Variants in CCDC85A observed in about 807,000 individuals in gnomAD.
The protein encoded by CCDC85A is coiled-coil domain containing 85A, also known as coiled-coil domain-containing protein 85A.
A neutral mutation model predicts 50.2 loss-of-function variants in CCDC85A; 38 were observed. The observed-to-expected ratio is 0.76, with a 90% CI of 0.58 to 0.99. The LOEUF (loss-of-function observed/expected upper bound fraction) is 0.99. CCDC85A is among the 50% of genes least tolerant of loss of function. The probability of loss-of-function intolerance (pLI) is 0.00; values close to 1 mark genes in which losing one functional copy is unlikely to be tolerated. For missense variants in CCDC85A, 820 were observed against 742.0 expected (o/e 1.11, Z -1.22); for synonymous variants, 366 against 301.4 (o/e 1.21, Z -2.22).
At chr2:56,205,785 T>C (rs1454979959) in intron 2 of CCDC85A, among the ~76,000 whole-genome samples, 2 of 152,176 alleles carry the variant, frequency 1.3e-5, no homozygotes, top group South Asian at 4.1e-4. Context: ...GGGTACAGCA[T>C]GGTAGTAGGT....
intron 3 of CCDC85A, among the ~76,000 whole-genome samples, chr2:56,358,417 C>T (rs1054428917): frequency 1.3e-5 from 2 of 152,028 alleles, no homozygotes; most frequent in Non-Finnish European, 2.9e-5. Flanking sequence ...TTACTGCTTC[C>T]GTTTAAGCAC....
intron 3 of CCDC85A, among the ~76,000 whole-genome samples, chr2:56,370,061 C>G (rs1484980878): frequency 6.6e-6 from 1 of 151,970 alleles, no homozygotes; most frequent in Non-Finnish European, 1.5e-5. Context: ...TTTTCACAAA[C>G]TTGGAATTTT....
chr2:56,300,193 G>GA (rs75360770), intron 2 of CCDC85A, among the ~76,000 whole-genome samples: 19,908 of 152,130 alleles, frequency 0.13, 1,456 homozygotes, highest in East Asian at 0.32. Flanking sequence ...GTAAGATAGG[G>GA]ACACAGCCCT....
chr2:56,361,561 T>C (rs1411814602), intron 3 of CCDC85A, among the ~76,000 whole-genome samples: 1 of 152,088 alleles, frequency 6.6e-6, no homozygotes, highest in Admixed American at 6.5e-5. Flanking sequence ...TACGATAATA[T>C]TTAGAAAAGA....
chr2:56,377,851 G>T (rs1221221239), intron 5 of CCDC85A, among the ~76,000 whole-genome samples: 3 of 150,082 alleles, frequency 2.0e-5, no homozygotes, highest in Non-Finnish European at 2.9e-5. Flanking sequence ...TCGTGCCATT[G>T]CACTCCAGCC....
At position 56,311,719 on chromosome 2, in the gene CCDC85A, C is replaced by T. The variant is rs146582513; in HGVS notation, c.1241-31160C>T. 8.5e-4 allele frequency among the ~76,000 whole-genome samples: 130 copies of T among 152,212 alleles called. 2 individuals are homozygous for T. The East Asian group carries it at 0.024, about 29-fold the overall frequency. ...AGTTTAATTTATCTTTATAATAATT[C>T]TCCCAAATGTAGCAATATAATTTCC... On this transcript the variant is annotated intron_variant, in intron 2 of 5. Transcript: ENST00000407595.
chr2:56,355,309 G>A (rs1263802163), intron 3 of CCDC85A, among the ~76,000 whole-genome samples: 3 of 152,160 alleles, frequency 2.0e-5, no homozygotes, highest in Non-Finnish European at 4.4e-5. Flanking sequence ...AAATGGAGGT[G>A]GGAAGGAATA....
At chr2:56,304,158 T>A (rs1267003215) in intron 2 of CCDC85A, among the ~76,000 whole-genome samples, 3 of 152,210 alleles carry the variant, frequency 2.0e-5, no homozygotes, top group Admixed American at 2.0e-4. Context: ...ATATGGCATG[T>A]TAACTAAAAT....
chr2:56,345,207 T>G (rs906444118), intron 3 of CCDC85A, among the ~76,000 whole-genome samples: 4 of 152,182 alleles, frequency 2.6e-5, no homozygotes, highest in Non-Finnish European at 5.9e-5. Context: ...GTTTCATTTT[T>G]TTCTCTCTAA....
intron 2 of CCDC85A, among the ~76,000 whole-genome samples, chr2:56,232,027 C>T (rs1573065567): frequency 6.6e-6 from 1 of 152,070 alleles, no homozygotes; most frequent in South Asian, 2.1e-4. Flanking sequence ...CTCTGCTTGA[C>T]TTCTCAATGT....
chr2:56,367,573 G>T (rs1675860386), intron 3 of CCDC85A, among the ~76,000 whole-genome samples: 1 of 152,114 alleles, frequency 6.6e-6, no homozygotes, highest in Non-Finnish European at 1.5e-5. Flanking sequence ...GGTCTGTCCA[G>T]TGCATTTTAA....
intron 2 of CCDC85A, among the ~76,000 whole-genome samples, chr2:56,307,385 AG>A (rs965889820): frequency 9.2e-5 from 14 of 152,154 alleles, no homozygotes; most frequent in African/African-American, 3.4e-4. Context: ...CGTTGTAATC[AG>A]GCTCCTTGCA....
chr2:56,222,841 T>C (rs1668384795), intron 2 of CCDC85A, among the ~76,000 whole-genome samples: 1 of 150,902 alleles, frequency 6.6e-6, no homozygotes. Context: ...ATTCCAAAGA[T>C]GCTATCTCTA....
At chr2:56,362,588 G>A (rs940434908) in intron 3 of CCDC85A, among the ~76,000 whole-genome samples, 16 of 151,512 alleles carry the variant, frequency 1.1e-4, no homozygotes, top group African/African-American at 3.9e-4. Flanking sequence ...GACCCAATTA[G>A]CTTTTTTTTT....
intron 5 of CCDC85A, chr2:56,379,699 T>A (rs891548450): frequency 3.3e-6 from 2 of 610,192 alleles, no homozygotes; most frequent in African/African-American, 4.0e-5. Flanking sequence ...TTATCATAAC[T>A]AACAAGCTTT....
intron 2 of CCDC85A, among the ~76,000 whole-genome samples, chr2:56,201,089 C>T (rs1676723379): frequency 2.3e-5 from 3 of 131,058 alleles, no homozygotes; most frequent in Admixed American, 1.5e-4. Flanking sequence ...CACACACACA[C>T]ACACACACAC....
At chr2:56,306,663 C>A (rs1380729901) in intron 2 of CCDC85A, among the ~76,000 whole-genome samples, 2 of 152,092 alleles carry the variant, frequency 1.3e-5, no homozygotes, top group Non-Finnish European at 2.9e-5. Flanking sequence ...CAATTAACGA[C>A]CCATACTATT....
intron 3 of CCDC85A, among the ~76,000 whole-genome samples, chr2:56,345,364 G>T (rs573648822): frequency 6.6e-6 from 1 of 152,252 alleles, no homozygotes; most frequent in South Asian, 2.1e-4. Flanking sequence ...TTACAAATGG[G>T]AAAACAATGT....
At chr2:56,318,540 C>A (rs1051557627) in intron 2 of CCDC85A, among the ~76,000 whole-genome samples, 5 of 151,850 alleles carry the variant, frequency 3.3e-5, no homozygotes, top group Non-Finnish European at 7.4e-5. Flanking sequence ...CTATTATTAC[C>A]TGTTTATTTA....
Sources: gnomAD v4.1 joint callset for allele counts (sites outside exome capture counted in the v4.1 genomes callset) on GRCh38, gnomAD v4.1.1 for gene constraint, MANE v1.5 for transcripts, NCBI Gene and HGNC (gene_info 2026-07-23, HGNC 2026-07-21) for gene names.